MGAT4C: variants seen among roughly 807,000 people sequenced by gnomAD.
MGAT4C encodes alpha-1,3-mannosyl-glycoprotein 4-beta-N-acetylglucosaminyltransferase C.
MGAT4C carries 19 observed loss-of-function variants against 40.1 expected under a neutral mutation model. That is an observed-to-expected ratio of 0.47 (90% CI 0.33 to 0.70). The LOEUF (loss-of-function observed/expected upper bound fraction) is 0.70. MGAT4C is among the 30% of genes least tolerant of loss of function. The pLI is 0.02. For synonymous variants in MGAT4C, 181 were observed against 187.1 expected (o/e 0.97, Z 0.27); for missense variants, 491 against 563.2 (o/e 0.87, Z 1.30).
At chr12:86,149,428 A>T (rs914887584) in intron 1 of MGAT4C, among the ~76,000 whole-genome samples, 1 of 152,220 alleles carries the variant, frequency 6.6e-6, no homozygotes, top group African/African-American at 2.4e-5. Flanking sequence ...GTTTACATTT[A>T]AAAGTTTAAT....
intron 3 of MGAT4C, among the ~76,000 whole-genome samples, chr12:86,397,404 T>A (rs930367810): frequency 4.6e-5 from 7 of 152,276 alleles, no homozygotes; most frequent in African/African-American, 1.7e-4. Context: ...ACCAACTTGA[T>A]CTTTACTGGT....
intron 2 of MGAT4C, chr12:86,495,267 C>T (rs1010712580): frequency 2.6e-5 from 4 of 152,022 alleles, no homozygotes; most frequent in African/African-American, 9.7e-5. Flanking sequence ...AGGCCCCCGT[C>T]ATCTGCATAC....
intron 4 of MGAT4C, among the ~76,000 whole-genome samples, chr12:86,320,389 T>C (rs1954352588): frequency 6.6e-6 from 1 of 152,130 alleles, no homozygotes. Flanking sequence ...ATAAAGGTGG[T>C]CTAGATTACC....
chr12:86,481,738 A>T (rs1206614045), intron 2 of MGAT4C, among the ~76,000 whole-genome samples: 1 of 151,656 alleles, frequency 6.6e-6, no homozygotes, highest in Non-Finnish European at 1.5e-5. Context: ...CTTTTCAACT[A>T]AAATGGTAAC....
chr12:86,263,585 CTT>C (rs1952712630), intron 4 of MGAT4C, among the ~76,000 whole-genome samples: 2 of 152,214 alleles, frequency 1.3e-5, no homozygotes, highest in East Asian at 1.9e-4. Flanking sequence ...ATTGATGACA[CTT>C]AAGTTGATTC....
intron 3 of MGAT4C, among the ~76,000 whole-genome samples, chr12:86,404,485 T>C (rs1054313280): frequency 6.6e-6 from 1 of 152,036 alleles, no homozygotes; most frequent in South Asian, 2.1e-4. Flanking sequence ...TATATTCTTA[T>C]AAGAGGGAGG....
chr12:86,324,394 G>C (rs1226881015), intron 4 of MGAT4C, among the ~76,000 whole-genome samples: 1 of 151,254 alleles, frequency 6.6e-6, no homozygotes. Context: ...TTCTTTTTGT[G>C]CATTTTGGTT....
At chr12:86,504,218 AT>A (rs1958430113) in intron 2 of MGAT4C, among the ~76,000 whole-genome samples, 1 of 152,118 alleles carries the variant, frequency 6.6e-6, no homozygotes, top group Admixed American at 6.6e-5. Flanking sequence ...TTATTGGTAT[AT>A]TTGAACCCTG....
intron 3 of MGAT4C, among the ~76,000 whole-genome samples, chr12:86,337,846 G>C (rs576041181): frequency 6.6e-6 from 1 of 152,220 alleles, no homozygotes; most frequent in Admixed American, 6.5e-5. Flanking sequence ...AATTATCCTT[G>C]TTTGGATGAT....
chr12:86,425,969 C>T (rs1956917602), intron 3 of MGAT4C, among the ~76,000 whole-genome samples: 1 of 152,054 alleles, frequency 6.6e-6, no homozygotes, highest in Non-Finnish European at 1.5e-5. Flanking sequence ...CCAGATTATA[C>T]TCATGATATA....
chr12:86,078,954 C>T (rs1321630842), intron 1 of MGAT4C, among the ~76,000 whole-genome samples: 1 of 152,166 alleles, frequency 6.6e-6, no homozygotes, highest in Non-Finnish European at 1.5e-5. Flanking sequence ...TTTTGTAATA[C>T]AAGCAAACAG....
At chr12:86,826,637 A>G (rs1952814245) in intron 1 of MGAT4C, among the ~76,000 whole-genome samples, 1 of 151,404 alleles carries the variant, frequency 6.6e-6, no homozygotes, top group Non-Finnish European at 1.5e-5. Flanking sequence ...ATAATTTTAA[A>G]AATCCAACAG....
chr12:86,194,949 C>G (rs1949743323), intron 1 of MGAT4C, among the ~76,000 whole-genome samples: 1 of 152,140 alleles, frequency 6.6e-6, no homozygotes, highest in Admixed American at 6.5e-5. Context: ...ACTGGCAAAC[C>G]TCCATTCAGC....
intron 2 of MGAT4C, among the ~76,000 whole-genome samples, chr12:86,577,746 A>G (rs1960621283): frequency 1.3e-5 from 2 of 151,868 alleles, no homozygotes; most frequent in Non-Finnish European, 2.9e-5. Context: ...AATATTAATC[A>G]GATATATTGA....
chr12:86,748,414 A>G (rs1264148202), intron 1 of MGAT4C, among the ~76,000 whole-genome samples: 3 of 151,748 alleles, frequency 2.0e-5, no homozygotes, highest in Non-Finnish European at 4.4e-5. Context: ...CTACTCCTCA[A>G]TGAAAGTTGA....
At chr12:86,190,390 T>A (rs12370413) in intron 1 of MGAT4C, among the ~76,000 whole-genome samples, 4,959 of 152,224 alleles carry the variant, frequency 0.033, 120 homozygotes, top group Non-Finnish European at 0.046. Context: ...TTAAAGTGTG[T>A]TTCTCCTGTT....
intron 2 of MGAT4C, among the ~76,000 whole-genome samples, chr12:86,445,669 C>A (rs1260308021): frequency 6.6e-6 from 1 of 152,108 alleles, no homozygotes; most frequent in African/African-American, 2.4e-5. Flanking sequence ...TGATGAATAT[C>A]TTTTAAAATA....
At chr12:86,062,045 C>G (rs77557170) in intron 1 of MGAT4C, among the ~76,000 whole-genome samples, 2 of 152,106 alleles carry the variant, frequency 1.3e-5, no homozygotes, top group African/African-American at 4.8e-5. Context: ...ATGGCCTCGT[C>G]GAGTGGCTCC....
chr12:86,209,433 G>A (rs1950376233), intron 1 of MGAT4C, among the ~76,000 whole-genome samples: 1 of 152,092 alleles, frequency 6.6e-6, no homozygotes, highest in South Asian at 2.1e-4. Context: ...AGGAAAATAT[G>A]AATATAAAAA....
Sources: gnomAD v4.1 joint callset for allele counts (sites outside exome capture counted in the v4.1 genomes callset) on GRCh38, gnomAD v4.1.1 for gene constraint, MANE v1.5 for transcripts, NCBI Gene and HGNC (gene_info 2026-07-23, HGNC 2026-07-21) for gene names.